Variants in PBX3 observed in about 807,000 individuals in gnomAD.
PBX3 encodes the protein pre-B-cell leukemia transcription factor 3.
A neutral mutation model predicts 48.5 loss-of-function variants in PBX3; 14 were observed. That is an observed-to-expected ratio of 0.29 (90% confidence interval 0.19 to 0.45). The LOEUF (loss-of-function observed/expected upper bound fraction) is 0.45. Among genes scored for constraint, PBX3 ranks in the 20% least tolerant of loss-of-function variants. PBX3 has a pLI of 1.00. For missense variants in PBX3, 386 were observed against 546.7 expected (o/e 0.71, Z 2.93); for synonymous variants, 210 against 200.3 (o/e 1.05, Z -0.41).
intron 3 of PBX3, 39 bp downstream of exon 3, chr9:125,915,966 C>G (rs758171897): frequency 6.2e-7 from 1 of 1,600,330 alleles, no homozygotes; most frequent in South Asian, 1.1e-5. Flanking sequence ...CACAAACCCT[C>G]TGTTGCTCTT....
chr9:125,933,393 T>C (rs976795494), intron 4 of PBX3, among the ~76,000 whole-genome samples: 1 of 152,194 alleles, frequency 6.6e-6, no homozygotes. Context: ...GGTGAGCTAT[T>C]CCGTTTGTTC....
At chr9:125,814,162 CAAAAA>C (rs565547086) in intron 2 of PBX3, among the ~76,000 whole-genome samples, 1 of 95,458 alleles carries the variant, frequency 1.0e-5, no homozygotes. Flanking sequence ...GACTCCATCT[CAAAAA>C]AAAAAAAAAA....
chr9:125,938,670 A>G (rs1006015157), intron 5 of PBX3, among the ~76,000 whole-genome samples: 9 of 152,198 alleles, frequency 5.9e-5, no homozygotes, highest in Non-Finnish European at 1.2e-4. Flanking sequence ...GGGAAGGAGC[A>G]TTGTTCTTTA....
At chr9:125,765,446 G>A (rs1462577688) in intron 2 of PBX3, among the ~76,000 whole-genome samples, 2 of 151,976 alleles carry the variant, frequency 1.3e-5, no homozygotes, top group Non-Finnish European at 2.9e-5. Context: ...CACAGCGCCC[G>A]ACCAAGAAAT....
chr9:125,846,840 C>G (rs1055171738), intron 2 of PBX3, among the ~76,000 whole-genome samples: 1 of 151,858 alleles, frequency 6.6e-6, no homozygotes. Context: ...CAGGTAAGGT[C>G]TACTCATTGC....
At chr9:125,835,124 T>TCCTCACTCA (rs2132207721) in intron 2 of PBX3, among the ~76,000 whole-genome samples, 2 of 146,624 alleles carry the variant, frequency 1.4e-5, no homozygotes, top group South Asian at 4.7e-4. Flanking sequence ...AAAAAGTCCA[T>TCCTCACTCA]CCTCACTCAA....
intron 2 of PBX3, among the ~76,000 whole-genome samples, chr9:125,852,570 G>C (rs1839612090): frequency 6.6e-6 from 1 of 152,112 alleles, no homozygotes. Context: ...GCCTGAATGT[G>C]TACTCTCTTT....
At chr9:125,919,138 C>A (rs947298608) in intron 3 of PBX3, among the ~76,000 whole-genome samples, 3 of 151,936 alleles carry the variant, frequency 2.0e-5, no homozygotes, top group African/African-American at 7.2e-5. Context: ...AATTCAGGTA[C>A]GTTCTGGTTT....
At chr9:125,779,310 G>A (rs1331873718) in intron 2 of PBX3, among the ~76,000 whole-genome samples, 1 of 140,200 alleles carries the variant, frequency 7.1e-6, no homozygotes, top group Admixed American at 7.1e-5. Context: ...TCGCAGAGGG[G>A]GATTTGGCAG....
chr9:125,897,145 T>TG (rs1187547138), intron 2 of PBX3, among the ~76,000 whole-genome samples: 1 of 145,652 alleles, frequency 6.9e-6, no homozygotes, highest in East Asian at 2.0e-4. Context: ...TTTGTGGTTT[T>TG]TTTTTTTTTT....
At chr9:125,950,042 A>AT (rs138440970) in intron 5 of PBX3, among the ~76,000 whole-genome samples, 6,103 of 151,484 alleles carry the variant, frequency 0.04, 439 homozygotes, top group African/African-American at 0.14. Context: ...TACCTACCAC[A>AT]TTTTTTTTTC....
chr9:125,803,473 G>C (rs149942737), intron 2 of PBX3, among the ~76,000 whole-genome samples: 1 of 152,062 alleles, frequency 6.6e-6, no homozygotes, highest in Non-Finnish European at 1.5e-5. Flanking sequence ...ACTACATTTA[G>C]TTTTTATGCC....
At chr9:125,934,015 G>C in intron 4 of PBX3, among the ~76,000 whole-genome samples, 1 of 152,072 alleles carries the variant, frequency 6.6e-6, no homozygotes. Context: ...TCTTCGTTCC[G>C]TTCCTTCCCT....
chr9:125,914,573 G>A (rs777886398), intron 2 of PBX3, among the ~76,000 whole-genome samples: 1 of 152,130 alleles, frequency 6.6e-6, no homozygotes. Context: ...TAGACACAAA[G>A]TGTGTACCAC....
intron 2 of PBX3, among the ~76,000 whole-genome samples, chr9:125,913,421 G>A (rs75512766): frequency 0.02 from 3,044 of 151,992 alleles, 173 homozygotes; most frequent in East Asian, 0.17. Flanking sequence ...TTGTGTCCAC[G>A]GCTTTTGAGC....
chr9:125,780,971 G>A (rs1456926092), intron 2 of PBX3, among the ~76,000 whole-genome samples: 1 of 114,184 alleles, frequency 8.8e-6, no homozygotes, highest in African/African-American at 3.8e-5. Flanking sequence ...TTGCGGCCGG[G>A]CAGAGGCGCT....
At chr9:125,803,753 C>T (rs764768377) in intron 2 of PBX3, among the ~76,000 whole-genome samples, 3 of 152,176 alleles carry the variant, frequency 2.0e-5, no homozygotes, top group East Asian at 1.9e-4. Flanking sequence ...ATTTTTTACA[C>T]GTTTATTGAA....
chr9:125,886,828 T>G (rs1351223197), intron 2 of PBX3, among the ~76,000 whole-genome samples: 2 of 152,168 alleles, frequency 1.3e-5, no homozygotes, highest in Non-Finnish European at 1.5e-5. Flanking sequence ...CTGAAAAATT[T>G]TTTTATTTTG....
rs146643058 is a variant in PBX3 at position 125,892,786 on chromosome 9, G to A, written c.275-22900G>A. Among the ~76,000 whole-genome samples, 10 of 152,154 alleles carry A rather than the reference G, an allele frequency of 6.6e-5. No individual in the cohort carries two copies. The East Asian group carries it at 1.4e-3, about 21-fold the overall frequency. On this transcript the variant is annotated intron_variant, in intron 2 of 8. Coordinates refer to ENST00000373489, the MANE Select transcript of PBX3 (RefSeq NM_006195.6). ...TGTGATGAAGTAAGCATCAAGTGTCGCTGAAAGAGATTAAATTATACTTGG... is the reference window on the plus strand; with the variant it reads ...TGTGATGAAGTAAGCATCAAGTGTCACTGAAAGAGATTAAATTATACTTGG...
Sources: allele counts gnomAD v4.1 joint callset (sites outside exome capture counted in the v4.1 genomes callset), GRCh38; gene constraint gnomAD v4.1.1; transcripts MANE v1.5; gene names NCBI Gene and HGNC (gene_info 2026-07-23, HGNC 2026-07-21).